SHISA9: variants seen among roughly 807,000 people sequenced by gnomAD.
The protein encoded by SHISA9 is protein shisa-9.
Under a neutral mutation model 38.0 loss-of-function variants are expected in SHISA9, and 13 were observed. That is an observed-to-expected ratio of 0.34 (90% CI 0.22 to 0.54). SHISA9 has a LOEUF of 0.54. Ranked by LOEUF, SHISA9 falls within the 20% of genes least tolerant of loss-of-function variation. The pLI is 0.91. For missense variants in SHISA9, 538 were observed against 575.8 expected (o/e 0.93, Z 0.67); for synonymous variants, 275 against 242.0 (o/e 1.14, Z -1.27).
the SHISA9 span, among the ~76,000 whole-genome samples, chr16:13,412,522 A>T: frequency 3.3e-5 from 5 of 151,950 alleles, no homozygotes; most frequent in African/African-American, 1.2e-4. Flanking sequence ...CAAGACACAT[A>T]GATGAACCTC....
chr16:13,464,960 G>A, the SHISA9 span, among the ~76,000 whole-genome samples: 2 of 152,100 alleles, frequency 1.3e-5, no homozygotes, highest in Non-Finnish European at 2.9e-5. Context: ...GGGCCTAGTG[G>A]ATTAAAGATT....
At chr16:13,241,095 C>T (rs1363985919), downstream of SHISA9, among the ~76,000 whole-genome samples, 3 of 152,146 alleles carry the variant, frequency 2.0e-5, no homozygotes, top group Non-Finnish European at 2.9e-5. Context: ...GCCCAAGTAA[C>T]GTGAGCTTGG....
At chr16:13,147,561 C>T (rs1350392499) in intron 2 of SHISA9, among the ~76,000 whole-genome samples, 5 of 144,656 alleles carry the variant, frequency 3.5e-5, no homozygotes, top group Non-Finnish European at 6.0e-5. Context: ...CCTGCAGGCT[C>T]AAACAATTCT....
At chr16:13,509,434 A>G in the SHISA9 span, among the ~76,000 whole-genome samples, 1 of 152,134 alleles carries the variant, frequency 6.6e-6, no homozygotes, top group Non-Finnish European at 1.5e-5. Flanking sequence ...TAAGGCAGAC[A>G]TGTCCTGCAC....
chr16:13,089,547 G>T (rs953096365), intron 2 of SHISA9, among the ~76,000 whole-genome samples: 1 of 152,158 alleles, frequency 6.6e-6, no homozygotes, highest in Non-Finnish European at 1.5e-5. Context: ...TATGTGTCAA[G>T]GAATTTATCC....
the SHISA9 span, among the ~76,000 whole-genome samples, chr16:13,539,892 C>T: frequency 1.3e-5 from 2 of 151,598 alleles, no homozygotes; most frequent in African/African-American, 2.4e-5. Flanking sequence ...ATAATGGCCA[C>T]CAGCTTCATC....
rs2073242924 is a variant in SHISA9 at position 13,050,829 on chromosome 16, TCTC to T, written c.691+134017_691+134019del. ...AAGCTGTTTTTATGGGACATCCTAA[TCTC>T]CTAAAGATTCATCAAGAAGGGTCCA... On this transcript the variant is annotated intron_variant, in intron 2 of 4. Coordinates refer to ENST00000558583, the MANE Select transcript of SHISA9 (RefSeq NM_001145204.3). Among the ~76,000 whole-genome samples, 3 of 152,148 alleles carry T rather than the reference TCTC, an allele frequency of 2.0e-5. No individual in the cohort carries two copies. In the South Asian group the frequency reaches 6.2e-4, roughly 32 times the overall value.
chr16:13,447,186 T>C, the SHISA9 span, among the ~76,000 whole-genome samples: 1 of 152,320 alleles, frequency 6.6e-6, no homozygotes, highest in South Asian at 2.1e-4. Flanking sequence ...GACACCACCC[T>C]GTCCCTTTCA....
At chr16:13,254,105 A>T in the SHISA9 span, among the ~76,000 whole-genome samples, 2 of 152,196 alleles carry the variant, frequency 1.3e-5, no homozygotes, top group East Asian at 3.8e-4. Context: ...CTTGCCAAAG[A>T]TGCCCTCTAT....
chr16:13,307,101 C>T, the SHISA9 span, among the ~76,000 whole-genome samples: 4 of 152,072 alleles, frequency 2.6e-5, no homozygotes, highest in Non-Finnish European at 4.4e-5. Context: ...GTTTTGAATA[C>T]CAGATCCATC....
chr16:13,005,219 C>T (rs1481094237), intron 2 of SHISA9, among the ~76,000 whole-genome samples: 1 of 152,078 alleles, frequency 6.6e-6, no homozygotes, highest in African/African-American at 2.4e-5. Context: ...GACATCCAAA[C>T]AGAGAAGCCA....
chr16:13,514,855 G>T, the SHISA9 span, among the ~76,000 whole-genome samples: 32 of 151,930 alleles, frequency 2.1e-4, no homozygotes, highest in Non-Finnish European at 4.1e-4. Flanking sequence ...CTTAAAACCA[G>T]TGAAAAAGAG....
intron 2 of SHISA9, among the ~76,000 whole-genome samples, chr16:12,977,140 T>C (rs774096666): frequency 1.3e-5 from 2 of 152,184 alleles, no homozygotes; most frequent in Non-Finnish European, 1.5e-5. Flanking sequence ...CTGCAGTCTC[T>C]TCCCCCTGTC....
chr16:13,490,593 ACCTGAAGCC>A, the SHISA9 span, among the ~76,000 whole-genome samples: 1 of 152,124 alleles, frequency 6.6e-6, no homozygotes, highest in African/African-American at 2.4e-5. Flanking sequence ...TGAGGACAGA[ACCTGAAGCC>A]CCTTTGGGTA....
chr16:13,085,556 T>C (rs1295250606), intron 2 of SHISA9, among the ~76,000 whole-genome samples: 1 of 152,172 alleles, frequency 6.6e-6, no homozygotes, highest in Non-Finnish European at 1.5e-5. Flanking sequence ...CCAAAGAAGC[T>C]ATAAGGAAGG....
At chr16:13,356,007 GT>G in the SHISA9 span, among the ~76,000 whole-genome samples, 1 of 152,220 alleles carries the variant, frequency 6.6e-6, no homozygotes, top group East Asian at 1.9e-4. Context: ...CCTTGGCCCA[GT>G]GGCCAGATTT....
chr16:13,410,267 T>A, the SHISA9 span, among the ~76,000 whole-genome samples: 3 of 152,210 alleles, frequency 2.0e-5, no homozygotes, highest in Admixed American at 2.0e-4. Flanking sequence ...AATATCTCTA[T>A]AATTGCAGTG....
intron 2 of SHISA9, among the ~76,000 whole-genome samples, chr16:12,923,254 G>A (rs963638973): frequency 1.3e-5 from 2 of 152,234 alleles, no homozygotes; most frequent in African/African-American, 2.4e-5. Flanking sequence ...ATGGGGCCAG[G>A]TGCAGTGGCT....
At chr16:13,093,613 G>A (rs1437891890) in intron 2 of SHISA9, among the ~76,000 whole-genome samples, 6 of 152,068 alleles carry the variant, frequency 3.9e-5, no homozygotes, top group Non-Finnish European at 2.9e-5. Context: ...CAGGTCTCTG[G>A]GAAAAGTCTC....
Sources: gnomAD v4.1 joint callset for allele counts (sites outside exome capture counted in the v4.1 genomes callset) on GRCh38, gnomAD v4.1.1 for gene constraint, MANE v1.5 for transcripts, NCBI Gene and HGNC (gene_info 2026-07-23, HGNC 2026-07-21) for gene names.